PRKAG2: variants seen among roughly 807,000 people sequenced by gnomAD.
PRKAG2 encodes the protein protein kinase AMP-activated non-catalytic subunit gamma 2.
Under a neutral mutation model 69.6 loss-of-function variants are expected in PRKAG2, and 26 were observed. That is an observed-to-expected ratio of 0.37 (90% CI 0.27 to 0.52). The LOEUF is 0.52. Among genes scored for constraint, PRKAG2 ranks in the 20% least tolerant of loss-of-function variants. The probability of loss-of-function intolerance (pLI) is 0.90; values close to 1 mark genes in which losing one functional copy is unlikely to be tolerated. For synonymous variants in PRKAG2, 293 were observed against 285.0 expected (o/e 1.03, Z -0.28); for missense variants, 557 against 740.0 (o/e 0.75, Z 2.87).
chr7:151,559,988 C>G, intron 15 of PRKAG2: 1 of 985,350 alleles, frequency 1.0e-6, no homozygotes, highest in Non-Finnish European at 1.2e-6. Flanking sequence ...GTCTGAGACT[C>G]TGAAGGCTTG....
intron 4 of PRKAG2, among the ~76,000 whole-genome samples, chr7:151,646,121 A>G (rs1827519302): frequency 6.6e-6 from 1 of 152,224 alleles, no homozygotes; most frequent in African/African-American, 2.4e-5. Flanking sequence ...AGGCCTTAAA[A>G]TCAGGTAGTG....
intron 7 of PRKAG2, 144 bp from the exon 8 acceptor site, chr7:151,575,093 A>T (rs1280028737): frequency 7.9e-7 from 1 of 1,261,054 alleles, no homozygotes; most frequent in Non-Finnish European, 1.1e-6. Flanking sequence ...ATATTATTTA[A>T]AACTATTGAT....
At chr7:151,674,688 A>C (rs1053516073) in intron 4 of PRKAG2, among the ~76,000 whole-genome samples, 3 of 151,800 alleles carry the variant, frequency 2.0e-5, no homozygotes, top group African/African-American at 7.3e-5. Flanking sequence ...TCCCCTTCCA[A>C]AGAGGGCATC....
chr7:151,632,427 C>T lies in PRKAG2; in HGVS notation c.685-289G>A, dbSNP rs1161971310. On this transcript the variant is annotated intron_variant, in intron 4 of 15. Coordinates refer to ENST00000287878, the MANE Select transcript of PRKAG2 (RefSeq NM_016203.4). The surrounding 1 kb of genome is among the most constrained non-coding windows in gnomAD (Gnocchi z 4.2). ...TTGGTACGGCCCGCCCGGGAGGAAGCGTGGGAAGGGACCCGGGAGCTCGAG... is the reference window on the plus strand; with the variant it reads ...TTGGTACGGCCCGCCCGGGAGGAAGTGTGGGAAGGGACCCGGGAGCTCGAG... 3 of 537,620 alleles carry T rather than the reference C, an allele frequency of 5.6e-6. No homozygotes were observed. Among genetic ancestry groups the T allele is most frequent in the Admixed American group, 1.3e-4 (2 of 15,530 alleles). The allele number at this position is 537,620 out of a possible 1,614,324, so 33.3% of individuals were successfully genotyped here. A position where few individuals can be genotyped will look rare whatever the true frequency, so the allele number is the denominator to read the frequency against.
At position 151,777,976 on chromosome 7, in the gene PRKAG2, G is replaced by A. The variant is rs533220334; in HGVS notation, c.466+3176C>T. Among the ~76,000 whole-genome samples, 19 of 152,116 alleles carry A rather than the reference G, an allele frequency of 1.2e-4. No homozygotes were observed. Among genetic ancestry groups the A allele is most frequent in the Non-Finnish European group, 2.5e-4 (17 of 68,024 alleles). ...ACTTGCAACTTCCCCAGTTGCTCCTGTAGATAGTATCACTATTTAACACCT... is the reference window on the plus strand; with the variant it reads ...ACTTGCAACTTCCCCAGTTGCTCCTATAGATAGTATCACTATTTAACACCT... On this transcript the variant is annotated intron_variant, in intron 3 of 15. Coordinates refer to ENST00000287878, the MANE Select transcript of PRKAG2 (RefSeq NM_016203.4). The surrounding 1 kb of genome is among the most constrained non-coding windows in gnomAD (Gnocchi z 4.3).
intron 3 of PRKAG2, among the ~76,000 whole-genome samples, chr7:151,755,862 G>C (rs1164470753): frequency 6.6e-6 from 1 of 152,180 alleles, no homozygotes; most frequent in Non-Finnish European, 1.5e-5. Context: ...TTTCACCCCG[G>C]TGCCTAAAGC....
Position 151,814,411 on chromosome 7 carries a change from C to G in PRKAG2, c.115-27870G>C. 1 of 1,226,968 alleles carries G rather than the reference C, an allele frequency of 8.2e-7. No individual in the cohort carries two copies. Among genetic ancestry groups the G allele is most frequent in the Non-Finnish European group, 1.0e-6 (1 of 985,538 alleles). The allele number at this position is 1,226,968 out of a possible 1,614,324, so 76.0% of individuals were successfully genotyped here. ...TAGAAAGCCAGCTCCCGCAGGTCTG[C>G]TTACTCAGCCCCAAGGGGTCCTGGA... is the stretch of plus-strand genomic sequence containing the variant. On this transcript the variant is annotated intron_variant, in intron 1 of 15. Transcript: ENST00000287878. This position sits in a 1 kb window ranked among gnomAD's most constrained non-coding sequence, Gnocchi z 4.8.
intron 1 of PRKAG2, among the ~76,000 whole-genome samples, chr7:151,860,513 C>A (rs2079892155): frequency 6.6e-6 from 1 of 152,094 alleles, no homozygotes; most frequent in African/African-American, 2.4e-5. Flanking sequence ...GGTTTCATCT[C>A]CCATTGGGAA....
intron 4 of PRKAG2, among the ~76,000 whole-genome samples, chr7:151,654,692 T>C (rs776856485): frequency 2.6e-5 from 4 of 152,146 alleles, no homozygotes; most frequent in African/African-American, 4.8e-5. Flanking sequence ...GCTCAGGATA[T>C]GCTGGGTTTT....
chr7:151,660,502 T>C (rs903879350), intron 4 of PRKAG2, among the ~76,000 whole-genome samples: 2 of 152,264 alleles, frequency 1.3e-5, no homozygotes, highest in East Asian at 3.8e-4. Context: ...CTCCAGGCTA[T>C]ATGTAACATT....
At chr7:151,742,532 G>A (rs2073966445) in intron 3 of PRKAG2, among the ~76,000 whole-genome samples, 1 of 152,004 alleles carries the variant, frequency 6.6e-6, no homozygotes, top group African/African-American at 2.4e-5. Context: ...GCTGAGGCAG[G>A]AGAATCACTT....
rs117173829 is a variant in PRKAG2, at chr7:151,777,090, C to A, written c.466+4062G>T. On this transcript the variant is annotated intron_variant, in intron 3 of 15. Coordinates refer to ENST00000287878, the MANE Select transcript of PRKAG2 (RefSeq NM_016203.4). The surrounding 1 kb of genome is among the most constrained non-coding windows in gnomAD (Gnocchi z 4.3). ...CTCTGACTCCACCTGCCTGTCTCGGCCCCTGGCTTTAAGGAAAGGGTGGAG... is the reference window on the plus strand; with the variant it reads ...CTCTGACTCCACCTGCCTGTCTCGGACCCTGGCTTTAAGGAAAGGGTGGAG... 6.6e-6 allele frequency among the ~76,000 whole-genome samples: 1 copy of A among 152,218 alleles called. No homozygotes were observed. The highest frequency in any genetic ancestry group is 1.9e-4 in the East Asian group (1 of 5,186).
rs763282554 is a variant in PRKAG2 at position 151,567,661 on chromosome 7, G to C, written c.1233+1055C>G. ...ATCGCCTTTATTAAACTTCAGACTT[G>C]AGTTTTTTTGTAAATTACTCTTCCC... On this transcript the variant is annotated intron_variant, in intron 11 of 15. Transcript: ENST00000287878. The surrounding 1 kb of genome is among the most constrained non-coding windows in gnomAD (Gnocchi z 4.2). 3.5e-4 allele frequency among the ~76,000 whole-genome samples: 53 copies of C among 152,238 alleles called. No homozygotes were observed. The highest frequency in any genetic ancestry group is 4.4e-4 in the Non-Finnish European group (30 of 68,012).
intron 1 of PRKAG2, among the ~76,000 whole-genome samples, chr7:151,855,130 CCA>C (rs1251971115): frequency 1.5e-4 from 8 of 52,930 alleles, no homozygotes; most frequent in African/African-American, 4.4e-4. Flanking sequence ...ACACCATCCT[CCA>C]CACACACCAC....
At position 151,632,282 on chromosome 7, in the gene PRKAG2, GCCGGGGGCGGAGCGGGAGCGCTGCCCCCA is replaced by G. The variant is rs1245036718; in HGVS notation, c.685-173_685-145del. The G allele has an allele frequency of 1.0e-6, 1 of 989,814 alleles. No homozygotes were observed. Among genetic ancestry groups the G allele is most frequent in the Non-Finnish European group, 1.2e-6 (1 of 830,198 alleles). 61.3% of individuals were successfully genotyped at this position (989,814 alleles called of 1,614,324 possible). On this transcript the variant is annotated intron_variant, in intron 4 of 15. Transcript: ENST00000287878. The surrounding 1 kb of genome is among the most constrained non-coding windows in gnomAD (Gnocchi z 4.2). ...CTGGCAGGGGACGCGGGCAGCGGGG[GCCGGGGGCGGAGCGGGAGCGCTGCCCCCA>G]CCCGCCCGAGGCCGCCGCCGCCGCC...
At chr7:151,599,749 C>T (rs781179541) in intron 5 of PRKAG2, among the ~76,000 whole-genome samples, 32 of 152,188 alleles carry the variant, frequency 2.1e-4, no homozygotes, top group Non-Finnish European at 4.4e-4. Context: ...CTGGCTCACC[C>T]GCCCCTTGCC....
At chr7:151,697,766 G>T (rs1382708551) in intron 3 of PRKAG2, among the ~76,000 whole-genome samples, 1 of 152,084 alleles carries the variant, frequency 6.6e-6, no homozygotes, top group Non-Finnish European at 1.5e-5. Context: ...AGACATCAGA[G>T]CCCAGAAAAT....
intron 2 of PRKAG2, among the ~76,000 whole-genome samples, chr7:151,785,061 G>A (rs963915679): frequency 4.6e-5 from 7 of 152,266 alleles, no homozygotes; most frequent in South Asian, 2.1e-4. Context: ...CAAATGATAT[G>A]TTGGTGAATG....
chr7:151,701,572 G>T (rs1585884032), intron 3 of PRKAG2, among the ~76,000 whole-genome samples: 1 of 152,228 alleles, frequency 6.6e-6, no homozygotes, highest in Non-Finnish European at 1.5e-5. Context: ...GGCCGGGCGT[G>T]GTGGCTCACA....
Sources: allele counts gnomAD v4.1 joint callset (sites outside exome capture counted in the v4.1 genomes callset), GRCh38; gene constraint gnomAD v4.1.1; non-coding constraint Gnocchi (gnomAD v3.1); transcripts MANE v1.5; gene names NCBI Gene and HGNC (gene_info 2026-07-23, HGNC 2026-07-21).